The following PCDH11X variants were observed in gnomAD, a reference collection of about 807,000 sequenced individuals.
PCDH11X encodes protocadherin 11 X-linked, also known as protocadherin-11 X-linked.
A neutral mutation model predicts 53.3 loss-of-function variants in PCDH11X; 18 were observed. The observed-to-expected ratio is 0.34, with a 90% CI of 0.23 to 0.50. The LOEUF is 0.50. Ranked by LOEUF, PCDH11X falls within the 20% of genes least tolerant of loss-of-function variation. The probability of loss-of-function intolerance (pLI) is 0.98; values close to 1 mark genes in which losing one functional copy is unlikely to be tolerated. For synonymous variants in PCDH11X, 279 were observed against 393.3 expected (o/e 0.71, Z 3.44); for missense variants, 570 against 1,032.4 (o/e 0.55, Z 6.14).
chrX:92,327,244 T>C (rs2069358398), intron 8 of PCDH11X, among the ~76,000 whole-genome samples: 1 of 106,731 alleles, frequency 9.4e-6, no homozygotes, highest in African/African-American at 3.4e-5. Context: ...CAGTGCTTCA[T>C]AGCCAAGTCT....
At chrX:92,103,049 A>C (rs764176442) in intron 6 of PCDH11X, among the ~76,000 whole-genome samples, 3 of 110,409 alleles carry the variant, frequency 2.7e-5, no homozygotes, top group Non-Finnish European at 5.7e-5. Context: ...GCATGTGATC[A>C]GTTGCCAGGG....
chrX:91,994,524 A>G (rs762357927), intron 6 of PCDH11X, among the ~76,000 whole-genome samples: 6 of 90,490 alleles, frequency 6.6e-5, no homozygotes, highest in Non-Finnish European at 1.3e-4. Context: ...GTATATATAC[A>G]TTACATTTTC....
At chrX:91,829,945 AATT>A (rs200718441) in intron 4 of PCDH11X, among the ~76,000 whole-genome samples, 2,653 of 110,839 alleles carry the variant, frequency 0.024, 99 homozygotes, top group African/African-American at 0.084. Context: ...ACAGTAAAAT[AATT>A]ATTAGATACT....
intron 8 of PCDH11X, among the ~76,000 whole-genome samples, chrX:92,386,285 GCTGA>G (rs1238925083): frequency 9.0e-6 from 1 of 111,249 alleles, no homozygotes; most frequent in East Asian, 2.8e-4. Context: ...TGAAGAAATG[GCTGA>G]CTGTTAGACC....
intron 8 of PCDH11X, among the ~76,000 whole-genome samples, chrX:92,323,881 AT>A (rs898063784): frequency 9.9e-5 from 11 of 110,684 alleles, no homozygotes; most frequent in East Asian, 2.9e-4. Flanking sequence ...CACAGTTTCA[AT>A]TTTTTTTCCA....
intron 6 of PCDH11X, among the ~76,000 whole-genome samples, chrX:91,932,844 A>G (rs1328585057): frequency 8.9e-6 from 1 of 111,909 alleles, no homozygotes; most frequent in African/African-American, 3.2e-5. Context: ...TGTTAAATTC[A>G]TGAATACGTT....
chrX:92,439,673 G>A (rs1178471071), intron 9 of PCDH11X, among the ~76,000 whole-genome samples: 1 of 108,676 alleles, frequency 9.2e-6, no homozygotes, highest in East Asian at 3.0e-4. Flanking sequence ...TTCAGGTTTA[G>A]GTACACAAAG....
intron 1 of PCDH11X, among the ~76,000 whole-genome samples, chrX:91,790,383 T>C (rs72605160): frequency 0.33 from 36,174 of 110,921 alleles, 4,889 homozygotes; most frequent in African/African-American, 0.52. Flanking sequence ...AATCCAAAAG[T>C]TCTGAGAAGT....
intron 7 of PCDH11X, among the ~76,000 whole-genome samples, chrX:92,209,952 A>G (rs1410669179): frequency 8.9e-6 from 1 of 111,784 alleles, no homozygotes; most frequent in Non-Finnish European, 1.9e-5. Flanking sequence ...GCAAGGGTTC[A>G]AGCTGTACCT....
chrX:92,172,068 T>A (rs985314334), intron 6 of PCDH11X, among the ~76,000 whole-genome samples: 4 of 106,167 alleles, frequency 3.8e-5, no homozygotes, highest in Non-Finnish European at 7.7e-5. Context: ...ATATATAAGA[T>A]CCTGTCGTCT....
intron 8 of PCDH11X, among the ~76,000 whole-genome samples, chrX:92,315,152 T>C (rs772690960): frequency 3.2e-4 from 36 of 111,971 alleles, no homozygotes; most frequent in African/African-American, 1.1e-3. Context: ...TAAACAACTT[T>C]CAAATCTTTA....
chrX:91,892,811 A>T (rs1250327288), intron 6 of PCDH11X, among the ~76,000 whole-genome samples: 3 of 107,860 alleles, frequency 2.8e-5, no homozygotes, highest in African/African-American at 1.0e-4. Context: ...AAGCAATTTC[A>T]GGCTAATTTT....
intron 5 of PCDH11X, among the ~76,000 whole-genome samples, chrX:91,859,856 G>T (rs917197848): frequency 2.7e-5 from 3 of 109,694 alleles, no homozygotes; most frequent in Non-Finnish European, 5.7e-5. Flanking sequence ...TGCTATTTTG[G>T]TTACTGTAGC....
chrX:92,417,819 C>CTTT (rs2071850941), intron 9 of PCDH11X, among the ~76,000 whole-genome samples: 18 of 27,377 alleles, frequency 6.6e-4, no homozygotes, highest in Admixed American at 8.8e-4. Context: ...TCTTTTCTTC[C>CTTT]ATTTTTTTTT....
At position 92,448,958 on chromosome X, in the gene PCDH11X, ATTACT is replaced by A. The variant is rs760034342; in HGVS notation, c.3344-19337_3344-19333del. On this transcript the variant is annotated intron_variant, in intron 9 of 10. Coordinates refer to ENST00000682573, the MANE Select transcript of PCDH11X (RefSeq NM_032968.5). ...CATAAGTAGCTCTGTTCTTTTGCAG[ATTACT>A]TTAGTGTTCCTCGGATAGGCATCAC... Among the ~76,000 whole-genome samples the A allele has an allele frequency of 5.3e-3, 592 of 112,172 alleles. 4 individuals are homozygous for A. Among genetic ancestry groups the A allele is most frequent in the African/African-American group, 0.017 (520 of 30,903 alleles).
In PCDH11X at chrX:92,620,512, A is replaced by T. The variant is rs1191593998; in HGVS notation, c.*1572A>T. The T allele has an allele frequency of 2.7e-5, 3 of 109,360 alleles. No homozygotes were observed. Among genetic ancestry groups the T allele is most frequent in the African/African-American group, 1.0e-4 (3 of 30,057 alleles). The allele number at this position is 109,360 out of a possible 1,213,427, so 9.0% of individuals were successfully genotyped here. A position where few individuals can be genotyped will look rare whatever the true frequency, so the allele number is the denominator to read the frequency against. On this transcript the variant is annotated 3_prime_UTR_variant, in exon 11 of 11. Transcript: ENST00000682573. ...GGGGGGGAGTCAATATCTCCTATTG[A>T]TTAACTTAGACATAGATTTTGTAAT... is the stretch of plus-strand genomic sequence containing the variant.
intron 6 of PCDH11X, among the ~76,000 whole-genome samples, chrX:91,895,035 G>GA (rs777106168): frequency 4.5e-5 from 5 of 110,927 alleles, no homozygotes; most frequent in African/African-American, 1.3e-4. Context: ...TCCAATAAGA[G>GA]AAAAAATCTC....
intron 8 of PCDH11X, among the ~76,000 whole-genome samples, chrX:92,335,052 G>A (rs1221345769): frequency 9.1e-6 from 1 of 109,343 alleles, no homozygotes; most frequent in African/African-American, 3.3e-5. Flanking sequence ...AGGGTCTAGG[G>A]TTTATAGTCA....
intron 9 of PCDH11X, among the ~76,000 whole-genome samples, chrX:92,463,014 GAAT>G (rs1417738395): frequency 9.1e-6 from 1 of 109,669 alleles, no homozygotes; most frequent in Non-Finnish European, 1.9e-5. Context: ...GTATATCTCA[GAAT>G]TATTCTTTTA....
Sources: allele counts gnomAD v4.1 joint callset (sites outside exome capture counted in the v4.1 genomes callset), GRCh38; gene constraint gnomAD v4.1.1; transcripts MANE v1.5; gene names NCBI Gene and HGNC (gene_info 2026-07-23, HGNC 2026-07-21).